Variants in NAALADL2 observed in about 807,000 individuals in gnomAD.
The protein encoded by NAALADL2 is inactive N-acetylated-alpha-linked acidic dipeptidase-like protein 2.
A neutral mutation model predicts 87.2 loss-of-function variants in NAALADL2; 76 were observed. That is an observed-to-expected ratio of 0.87 (90% confidence interval 0.72 to 1.05). The LOEUF (loss-of-function observed/expected upper bound fraction) is 1.05. Ranked by LOEUF, NAALADL2 falls within the 50% of genes least tolerant of loss-of-function variation. NAALADL2 has a pLI of 0.00. For synonymous variants in NAALADL2, 354 were observed against 331.0 expected, an observed-to-expected ratio of 1.07 and a Z score of -0.75; for missense variants, 1,089 against 945.8, an observed-to-expected ratio of 1.15 and a Z score of -1.99.
At chr3:175,015,079 C>A (rs9868675) in intron 1 of NAALADL2, among the ~76,000 whole-genome samples, 4 of 152,092 alleles carry the variant, frequency 2.6e-5, no homozygotes, top group East Asian at 1.9e-4. Flanking sequence ...AATTGTGCAT[C>A]ATTTCATGGA....
chr3:174,513,924 A>G (rs1364543853), intron 1 of NAALADL2, among the ~76,000 whole-genome samples: 1 of 152,158 alleles, frequency 6.6e-6, no homozygotes, highest in East Asian at 1.9e-4. Context: ...TGTTTAATTC[A>G]GTATTGCTGA....
At chr3:175,796,101 G>A (rs959564852) in intron 13 of NAALADL2, among the ~76,000 whole-genome samples, 1 of 148,974 alleles carries the variant, frequency 6.7e-6, no homozygotes, top group African/African-American at 2.5e-5. Context: ...GGGGGAGAGT[G>A]GGGGAGAGGC....
chr3:175,308,520 T>C (rs989315572), intron 4 of NAALADL2, among the ~76,000 whole-genome samples: 5 of 152,208 alleles, frequency 3.3e-5, no homozygotes, highest in Non-Finnish European at 5.9e-5. Context: ...AACCCTTAGA[T>C]GTCTGTGATG....
chr3:174,699,737 T>A lies in NAALADL2; in HGVS notation c.-114-37904T>A, dbSNP rs114459585. Among the ~76,000 whole-genome samples the A allele has an allele frequency of 4.0e-3, 609 of 152,250 alleles. 1 individual carries two copies. Among genetic ancestry groups the A allele is most frequent in the African/African-American group, 0.014 (583 of 41,548 alleles). On this transcript the variant is annotated intron_variant, in intron 2 of 3. Coordinates refer to the NAALADL2 transcript ENST00000434257. ...ATATTATTTTGTTGTTCCTGCTAAC[T>A]TATGAGGTCTCGTTTTTGTGGTGTT...
In NAALADL2 at chr3:174,831,589, C is replaced by A. The variant is rs958686891; in HGVS notation, c.-9+93843C>A. 5.7e-4 allele frequency among the ~76,000 whole-genome samples: 86 copies of A among 150,842 alleles called. 1 individual carries two copies. The highest frequency in any genetic ancestry group is 1.1e-3 in the Non-Finnish European group (71 of 67,616). On this transcript the variant is annotated intron_variant, in intron 3 of 3. Coordinates refer to the NAALADL2 transcript ENST00000434257. The stretch of plus-strand genomic sequence containing the variant: ...ATTCTCTTTTTTTGTTGTGTCTCTG[C>A]CTGGCTTTGGTATCAGAATGATGCT...
chr3:174,787,038 AATAAATTATTATATTATTATATTT>A, intron 3 of NAALADL2, among the ~76,000 whole-genome samples: 1 of 138,926 alleles, frequency 7.2e-6, no homozygotes, highest in East Asian at 2.4e-4. Context: ...ACTGCAATAT[AATAAATTATTATATTATTATATTT>A]ATTGCAATAT....
At chr3:175,610,858 T>C (rs2149673023) in intron 10 of NAALADL2, among the ~76,000 whole-genome samples, 1 of 152,094 alleles carries the variant, frequency 6.6e-6, no homozygotes, top group East Asian at 1.9e-4. Flanking sequence ...GTTTTGCTCA[T>C]TGTTCTCGTT....
At chr3:175,260,302 G>A (rs1190814185) in intron 4 of NAALADL2, among the ~76,000 whole-genome samples, 2 of 152,010 alleles carry the variant, frequency 1.3e-5, no homozygotes, top group East Asian at 3.9e-4. Context: ...TTGAGACAGA[G>A]CCTTGCCACA....
At position 175,328,723 on chromosome 3, in the gene NAALADL2, C is replaced by T. The variant is rs1252810666; in HGVS notation, c.1090+4398C>T. 3.3e-5 allele frequency among the ~76,000 whole-genome samples: 5 copies of T among 152,130 alleles called. No homozygotes were observed. The East Asian group carries it at 5.8e-4, about 18-fold the overall frequency. On this transcript the variant is annotated intron_variant, in intron 5 of 13. Transcript: ENST00000454872. ...AATTGGGCATCCAAACTGATATTTA[C>T]ATATCTAGTCATAATTATAATACCA...
At chr3:174,767,424 G>C (rs1713953425) in intron 3 of NAALADL2, among the ~76,000 whole-genome samples, 1 of 152,038 alleles carries the variant, frequency 6.6e-6, no homozygotes, top group Non-Finnish European at 1.5e-5. Flanking sequence ...CCTTTATCAG[G>C]TGATATCACC....
chr3:175,092,370 C>T (rs892686652), intron 1 of NAALADL2, among the ~76,000 whole-genome samples: 4 of 151,650 alleles, frequency 2.6e-5, no homozygotes, highest in African/African-American at 9.7e-5. Context: ...GTAATAAATT[C>T]TCTCATTATG....
rs200979958 is a variant in NAALADL2 at position 175,554,765 on chromosome 3, TTTAAC to T, written c.1654-21271_1654-21267del. Among the ~76,000 whole-genome samples, 11 of 152,296 alleles carry T rather than the reference TTTAAC, an allele frequency of 7.2e-5. No homozygotes were observed. In the East Asian group the frequency reaches 1.9e-3, roughly 27 times the overall value. ...AATCCCATAATTACATTAGTACATA[TTTAAC>T]TTAAGATAAAAAATACTGCTTAAAG... On this transcript the variant is annotated intron_variant, in intron 9 of 13. Transcript: ENST00000454872.
chr3:174,531,430 A>C (rs1458284083), intron 1 of NAALADL2, among the ~76,000 whole-genome samples: 1 of 152,176 alleles, frequency 6.6e-6, no homozygotes, highest in Non-Finnish European at 1.5e-5. Flanking sequence ...ATCAGCAAAT[A>C]AAATCCACGT....
chr3:175,531,865 T>C (rs936666990), intron 9 of NAALADL2, among the ~76,000 whole-genome samples: 28 of 152,146 alleles, frequency 1.8e-4, no homozygotes, highest in African/African-American at 6.8e-4. Flanking sequence ...AATGGGAGAA[T>C]TGAATGGGGC....
chr3:174,472,315 C>CT (rs1716955181), intron 1 of NAALADL2, among the ~76,000 whole-genome samples: 1 of 152,158 alleles, frequency 6.6e-6, no homozygotes, highest in Admixed American at 6.6e-5. Context: ...TCCACTTTCT[C>CT]TGTCATTTGG....
At chr3:175,379,016 G>A (rs1189342425) in intron 5 of NAALADL2, among the ~76,000 whole-genome samples, 2 of 152,126 alleles carry the variant, frequency 1.3e-5, no homozygotes, top group Non-Finnish European at 2.9e-5. Context: ...CAAGTGCCCA[G>A]CTTGTTTCTA....
intron 4 of NAALADL2, among the ~76,000 whole-genome samples, chr3:175,264,233 A>AT (rs1214813456): frequency 2.6e-5 from 4 of 151,904 alleles, no homozygotes; most frequent in Non-Finnish European, 4.4e-5. Context: ...GTTTTTTCTT[A>AT]TTTTTTATTT....
intron 2 of NAALADL2, among the ~76,000 whole-genome samples, chr3:174,737,091 C>T (rs1733294339): frequency 6.6e-6 from 1 of 152,214 alleles, no homozygotes; most frequent in African/African-American, 2.4e-5. Flanking sequence ...TCCACCTGTT[C>T]CTGGCTCCTG....
chr3:174,511,875 T>C (rs1719618131), intron 1 of NAALADL2, among the ~76,000 whole-genome samples: 1 of 152,120 alleles, frequency 6.6e-6, no homozygotes, highest in Non-Finnish European at 1.5e-5. Context: ...TTTCAGAGTT[T>C]ACCACCGAAT....
Sources: gnomAD v4.1 joint callset for allele counts (sites outside exome capture counted in the v4.1 genomes callset) on GRCh38, gnomAD v4.1.1 for gene constraint, MANE v1.5 for transcripts, NCBI Gene and HGNC (gene_info 2026-07-23, HGNC 2026-07-21) for gene names.